Variants in TNS3 observed in about 807,000 individuals in gnomAD.
TNS3 encodes tensin-3.
Under a neutral mutation model 140.9 loss-of-function variants are expected in TNS3, and 45 were observed. That is an observed-to-expected ratio of 0.32 (90% CI 0.25 to 0.41). The LOEUF is 0.41. Among genes scored for constraint, TNS3 ranks in the 10% least tolerant of loss-of-function variants. The pLI, the probability that TNS3 is intolerant of heterozygous loss-of-function variation, is 1.00. For missense variants in TNS3, 1,716 were observed against 1,906.7 expected (o/e 0.90, Z 1.86); for synonymous variants, 815 against 788.4 (o/e 1.03, Z -0.56).
At position 47,368,703 on chromosome 7, in the gene TNS3, C is replaced by T. The variant is rs1297794191; in HGVS notation, c.1943G>A (p.Gly648Asp). The change falls in exon 17 of 31, where the codon GGC (glycine) becomes GAC (aspartate). Residue 648 changes from glycine (G) to aspartate (D), a missense_variant. Gly to Asp is a moderately conservative substitution (Grantham distance 94). Transcript: ENST00000311160. ...TGTGTCAGGGGGATGTGGCCCACTG[C>T]CTACACCCCTCTGGACAGCCACCCT... Reference protein sequence around the residue: ...SSRVAVQRGVGSGPHPPDTQQ... With the variant: ...SSRVAVQRGVDSGPHPPDTQQ... The T allele has an allele frequency of 1.9e-6, 3 of 1,583,338 alleles. No individual in the cohort carries two copies. Among genetic ancestry groups the T allele is most frequent in the Non-Finnish European group, 2.6e-6 (3 of 1,164,978 alleles).
At chr7:47,396,964 G>A (rs1190428979) in intron 15 of TNS3, 60 bp from the exon 16 acceptor site, 44 of 1,210,596 alleles carry the variant, frequency 3.6e-5, no homozygotes, top group Admixed American at 6.8e-5. Flanking sequence ...CCATCCAACC[G>A]ACTCCACCAT....
chr7:47,318,144 A>G (rs1787519760), intron 20 of TNS3, among the ~76,000 whole-genome samples: 2 of 152,178 alleles, frequency 1.3e-5, no homozygotes. Flanking sequence ...TATGAATTCA[A>G]TGACTCTAGG....
chr7:47,341,553 G>T (rs971271922), intron 20 of TNS3, among the ~76,000 whole-genome samples: 1 of 152,064 alleles, frequency 6.6e-6, no homozygotes, highest in African/African-American at 2.4e-5. Context: ...TTCTTTTGGT[G>T]TCTGCAGGGT....
At chr7:47,436,130 C>T (rs538233764) in intron 7 of TNS3, among the ~76,000 whole-genome samples, 16 of 152,260 alleles carry the variant, frequency 1.1e-4, no homozygotes, top group Admixed American at 2.6e-4. Context: ...AGAAAGTTGC[C>T]AGGAAGTAGG....
chr7:47,416,118 T>A (rs1391623052), intron 10 of TNS3, among the ~76,000 whole-genome samples: 2 of 152,246 alleles, frequency 1.3e-5, no homozygotes, highest in African/African-American at 4.8e-5. Context: ...AATCTGTGTT[T>A]CCATATCTGT....
intron 3 of TNS3, among the ~76,000 whole-genome samples, chr7:47,502,188 G>A (rs1455670140): frequency 6.6e-6 from 1 of 152,146 alleles, no homozygotes; most frequent in African/African-American, 2.4e-5. Context: ...CACCTCCCTG[G>A]GGTCTCGAGG....
intron 13 of TNS3, chr7:47,405,450 C>A (rs1793391454): frequency 1.4e-6 from 1 of 699,018 alleles, no homozygotes; most frequent in Non-Finnish European, 2.6e-6. Context: ...AGTTAGATAG[C>A]TAAGCCCCAT....
chr7:47,317,959 A>G (rs1787506500), intron 20 of TNS3, among the ~76,000 whole-genome samples: 1 of 152,244 alleles, frequency 6.6e-6, no homozygotes, highest in African/African-American at 2.4e-5. Context: ...CATACATAAC[A>G]AAATTTACCA....
chr7:47,395,342 C>G (rs192242210), intron 16 of TNS3, among the ~76,000 whole-genome samples: 2 of 152,198 alleles, frequency 1.3e-5, no homozygotes, highest in Non-Finnish European at 2.9e-5. Flanking sequence ...AAATTAGCCC[C>G]TTTCCCCATC....
chr7:47,335,452 A>G (rs1788579041), intron 20 of TNS3, among the ~76,000 whole-genome samples: 1 of 152,256 alleles, frequency 6.6e-6, no homozygotes, highest in Admixed American at 6.5e-5. Context: ...TTAAATATGC[A>G]TAATGTGAGC....
intron 13 of TNS3, among the ~76,000 whole-genome samples, chr7:47,402,858 G>A (rs1264285133): frequency 6.6e-6 from 1 of 152,192 alleles, no homozygotes; most frequent in Non-Finnish European, 1.5e-5. Context: ...AAATATTTAA[G>A]GGAACCAGAG....
chr7:47,352,909 C>G (rs975634415), intron 17 of TNS3, among the ~76,000 whole-genome samples: 1 of 152,218 alleles, frequency 6.6e-6, no homozygotes, highest in Admixed American at 6.5e-5. Context: ...CAGGGACTTC[C>G]AGAACCACTC....
intron 17 of TNS3, among the ~76,000 whole-genome samples, chr7:47,357,327 A>G (rs548814129): frequency 6.6e-6 from 1 of 152,284 alleles, no homozygotes; most frequent in East Asian, 1.9e-4. Flanking sequence ...GTGAAAACAA[A>G]TAACAGGCAA....
intron 4 of TNS3, among the ~76,000 whole-genome samples, chr7:47,455,730 G>A (rs557604732): frequency 6.6e-6 from 1 of 152,306 alleles, no homozygotes; most frequent in South Asian, 2.1e-4. Flanking sequence ...TGGGCACCTG[G>A]GAGAAGAAGA....
Position 47,442,509 on chromosome 7 carries a change from G to A in TNS3, c.-75-454C>T, listed in dbSNP as rs188325313. Among the ~76,000 whole-genome samples the A allele has an allele frequency of 6.6e-5, 10 of 152,262 alleles. No individual in the cohort carries two copies. In the East Asian group the frequency reaches 1.5e-3, roughly 23 times the overall value. The stretch of plus-strand genomic sequence containing the variant: ...CCTATTCAACAGGGAGAAAAGACTC[G>A]GGTTATAATTACTTTATAGTTATAT... On this transcript the variant is annotated intron_variant, in intron 4 of 30. Transcript: ENST00000311160.
intron 9 of TNS3, among the ~76,000 whole-genome samples, chr7:47,424,516 G>A (rs1223373426): frequency 6.6e-6 from 1 of 152,198 alleles, no homozygotes; most frequent in Non-Finnish European, 1.5e-5. Context: ...GCAGGTGGTA[G>A]GGCTGGTGTC....
At chr7:47,504,533 A>G (rs1798343719) in intron 3 of TNS3, among the ~76,000 whole-genome samples, 1 of 152,246 alleles carries the variant, frequency 6.6e-6, no homozygotes, top group Admixed American at 6.5e-5. Context: ...ATGCCAGACC[A>G]AAGCCTATGA....
rs149943418 is a variant in TNS3 at position 47,344,562 on chromosome 7, G to A, written c.2650+193C>T. On this transcript the variant is annotated intron_variant, in intron 20 of 30. Transcript: ENST00000311160. ...ATGCCAGGCAGCGATGCAAGGCCAG[G>A]TTGCCACCACACAGTGGATTTCACG... is the stretch of plus-strand genomic sequence containing the variant. Among the ~76,000 whole-genome samples the A allele has an allele frequency of 2.6e-5, 4 of 152,334 alleles. No homozygotes were observed. In the East Asian group the frequency reaches 7.7e-4, roughly 29 times the overall value.
At chr7:47,526,993 G>A (rs541517044) in intron 2 of TNS3, among the ~76,000 whole-genome samples, 17 of 152,278 alleles carry the variant, frequency 1.1e-4, no homozygotes. Flanking sequence ...AGCACTTTGG[G>A]AGGCCGAGGC....
Sources: gnomAD v4.1 joint callset for allele counts (sites outside exome capture counted in the v4.1 genomes callset) on GRCh38, gnomAD v4.1.1 for gene constraint, MANE v1.5 for transcripts, NCBI Gene and HGNC (gene_info 2026-07-23, HGNC 2026-07-21) for gene names.